The following INTS11 variants were observed in gnomAD, a reference collection of about 807,000 sequenced individuals.
INTS11 encodes the protein integrator complex subunit 11, also known as CPSF3-like protein.
In INTS11, 77 loss-of-function variants were observed where a neutral mutation model predicts 78.6. That is an observed-to-expected ratio of 0.98 (90% confidence interval 0.81 to 1.18). The LOEUF is 1.18. INTS11 is among the 50% of genes most tolerant of loss of function. The probability of loss-of-function intolerance (pLI) is 0.00; values close to 1 mark genes in which losing one functional copy is unlikely to be tolerated. For synonymous variants in INTS11, 441 were observed against 326.9 expected (o/e 1.35, Z -3.77); for missense variants, 875 against 825.9 (o/e 1.06, Z -0.73).
chr1:1,321,112 A>G lies in INTS11; in HGVS notation c.29-19T>C, dbSNP rs1309975059. 28 of 1,591,386 alleles carry G rather than the reference A, an allele frequency of 1.8e-5. No homozygotes were observed. Among genetic ancestry groups the G allele is most frequent in the Non-Finnish European group, 2.4e-5 (28 of 1,163,248 alleles). The stretch of plus-strand genomic sequence containing the variant: ...CCGGCCCCTACTCGAGGGAGGGCAG[A>G]TGAGTCACTGCTGCGCCCCCCGCCC... On this transcript the variant is annotated intron_variant, in intron 1 of 16. Coordinates refer to ENST00000435064, the MANE Select transcript of INTS11 (RefSeq NM_017871.6).
At chr1:1,321,118 C>A in intron 1 of INTS11, 25 bp from the exon 2 acceptor site, 1 of 1,568,462 alleles carries the variant, frequency 6.4e-7, no homozygotes, top group South Asian at 1.1e-5. Context: ...GCAGATGAGT[C>A]ACTGCTGCGC....
chr1:1,319,425 G>A lies in INTS11; in HGVS notation c.300C>T (p.Cys100=), dbSNP rs771373568. The A allele has an allele frequency of 2.4e-5, 39 of 1,613,108 alleles. No homozygotes were observed. The highest frequency in any genetic ancestry group is 3.1e-5 in the Non-Finnish European group (37 of 1,179,948). ...TGCGGTAGTCCTCCAGCAAGATGGG[G>A]CAGATGGCCTGGGTGGGGTGAGTCA... The part of the protein sequence containing the change: ...IYMTHPTQAI[C]PILLEDYRKI... The change falls in exon 4 of 17, where the codon TGC becomes TGT. Residue 100 remains cysteine (C), a synonymous_variant. Coordinates refer to ENST00000435064, the MANE Select transcript of INTS11 (RefSeq NM_017871.6).
intron 1 of INTS11, 83 bp from the exon 2 acceptor site, chr1:1,321,176 A>C (rs1642925717): frequency 1.1e-5 from 12 of 1,096,402 alleles, no homozygotes; most frequent in African/African-American, 1.5e-5. Flanking sequence ...ACCCCAGTGC[A>C]CTGAGGAAAC....
intron 1 of INTS11, chr1:1,321,898 T>TGCCCCCCC: frequency 2.6e-6 from 3 of 1,141,978 alleles, no homozygotes; most frequent in Non-Finnish European, 3.5e-6. Flanking sequence ...TCCCCTTGAA[T>TGCCCCCCC]CCCACCCACC....
intron 6 of INTS11, 27 bp downstream of exon 6, chr1:1,315,377 G>T (rs1021544990): frequency 6.2e-7 from 1 of 1,613,098 alleles, no homozygotes; most frequent in African/African-American, 1.3e-5. Flanking sequence ...GGGCCCACGG[G>T]ACAAAAAGAC....
Position 1,312,479 on chromosome 1 carries a change from C to T in INTS11, c.1425G>A (p.Lys475=). 1 of 1,579,354 alleles carries T rather than the reference C, an allele frequency of 6.3e-7. No individual in the cohort carries two copies. The highest frequency in any genetic ancestry group is 8.6e-7 in the Non-Finnish European group (1 of 1,163,170). ...TCAGGGTGCCGTGCAGGAGCCGAGG[C>T]TTCTTGGCCTCAGGGAGCAGCCCTG... ...MAQGLLPEAK[K]PRLLHGTLIM... is the part of the protein sequence containing the mutation. The change falls in exon 14 of 17, where the codon AAG becomes AAA. Residue 475 remains lysine, a synonymous_variant. Coordinates refer to ENST00000435064, the MANE Select transcript of INTS11 (RefSeq NM_017871.6).
intron 4 of INTS11, chr1:1,318,789 T>A (rs1642767493): frequency 1.8e-6 from 1 of 555,234 alleles, no homozygotes; most frequent in African/African-American, 1.9e-5. Flanking sequence ...ACCCAGAGAT[T>A]CGAGTGAGAC....
chr1:1,311,676 G>A lies in INTS11; in HGVS notation c.*183C>T. Reference sequence around the variant, plus strand: ...CCAGGAATAAAGGCAAGACAGCCTGGAGACCAGTTTGTTTCTTCAGCTGCA... The same window carrying A: ...CCAGGAATAAAGGCAAGACAGCCTGAAGACCAGTTTGTTTCTTCAGCTGCA... On this transcript the variant is annotated 3_prime_UTR_variant, in exon 17 of 17. Transcript: ENST00000435064. The A allele has an allele frequency of 1.4e-6, 1 of 723,658 alleles. No homozygotes were observed. The highest frequency in any genetic ancestry group is 2.1e-5 in the Admixed American group (1 of 47,114). The allele number at this position is 723,658 out of a possible 1,614,324, so 44.8% of individuals were successfully genotyped here.
chr1:1,313,509 C>G lies in INTS11; in HGVS notation c.1041G>C (p.Met347Ile), dbSNP rs1375619144. ...FRKWAGNEKN[M>I]VIMPGYCVQG... ...TTCCCACACCTCACCATGCCCTCAC[C>G]ATGTTCTTTTCGTTTCCGGCCCATT... The change falls in exon 10 of 17, where the codon ATG becomes ATC. Residue 347 changes from methionine (M) to isoleucine (I), a missense_variant and splice_region_variant. Transcript: ENST00000435064. 1 of 1,613,046 alleles carries G rather than the reference C, an allele frequency of 6.2e-7. No homozygotes were observed. Among genetic ancestry groups the G allele is most frequent in the Non-Finnish European group, 8.5e-7 (1 of 1,180,012 alleles).
chr1:1,324,493 A>G, intron 1 of INTS11, 88 bp downstream of exon 1: 2 of 1,389,370 alleles, frequency 1.4e-6, no homozygotes, highest in Non-Finnish European at 2.0e-6. Flanking sequence ...ACCTGGCTCC[A>G]CGAGAAACGG....
chr1:1,313,865 G>C lies in INTS11; in HGVS notation c.824C>G (p.Ala275Gly). The C allele has an allele frequency of 6.2e-7, 1 of 1,613,274 alleles. No individual in the cohort carries two copies. The change falls in exon 9 of 17, where the codon GCC (alanine) becomes GGC (glycine). Residue 275 changes from alanine (A) to glycine (G), a missense_variant. Transcript: ENST00000435064. ...GATGAACAGCTTGTAGTAGTGGTTG[G>C]CCTTCTCGGTCAGCCCCGTGGAGAA... is the stretch of plus-strand genomic sequence containing the variant. ...IYFSTGLTEK[A>G]NHYYKLFIPW...
In INTS11 at chr1:1,313,545, C is replaced by A; in HGVS notation, c.1005G>T (p.Gln335His). ...CGTTTCCGGCCCATTTCCGGAAGAT[C>A]TGCAGGGACTGCCCAGCGTGCAGCA... ...PGMLHAGQSL[Q>H]IFRKWAGNEK... Residue 335 changes from glutamine to histidine, a missense_variant, in exon 10 of 17, where the codon CAG becomes CAT. Transcript: ENST00000435064. 2 of 1,613,042 alleles carry A rather than the reference C, an allele frequency of 1.2e-6. No homozygotes were observed. Among genetic ancestry groups the A allele is most frequent in the Non-Finnish European group, 8.5e-7 (1 of 1,180,028 alleles).
In INTS11 at chr1:1,319,303, G is replaced by A. The variant is rs773736109; in HGVS notation, c.422C>T (p.Thr141Met). 39 of 1,612,728 alleles carry A rather than the reference G, an allele frequency of 2.4e-5. No homozygotes were observed. Among genetic ancestry groups the A allele is most frequent in the East Asian group, 4.5e-5 (2 of 44,896 alleles). Reference protein sequence around the residue: ...KKVVAVHLHQTVQVDDELEIK... With the variant: ...KKVVAVHLHQMVQVDDELEIK... ...TGGCCCTGGGAACCTGACCTGGACC[G>A]TCTGGTGGAGGTGGACAGCCACCAC... is the stretch of plus-strand genomic sequence containing the variant. The change falls in exon 4 of 17, where the codon ACG becomes ATG. Residue 141 changes from threonine to methionine, a missense_variant. Coordinates refer to ENST00000435064, the MANE Select transcript of INTS11 (RefSeq NM_017871.6).
intron 15 of INTS11, 29 bp downstream of exon 15, chr1:1,312,197 G>GTT: frequency 7.5e-7 from 1 of 1,338,136 alleles, no homozygotes; most frequent in Non-Finnish European, 9.9e-7. Context: ...GCCCAAGGGA[G>GTT]TGGGGGGGGG....
chr1:1,323,406 A>G (rs765141309), intron 1 of INTS11: 13 of 1,163,916 alleles, frequency 1.1e-5, no homozygotes, highest in Non-Finnish European at 1.5e-5. Context: ...CTATACTGTT[A>G]CGACTTTGAC....
intron 4 of INTS11, chr1:1,318,686 T>TA (rs1642758874): frequency 2.2e-6 from 1 of 451,740 alleles, no homozygotes. Context: ...ACAAAAAAGA[T>TA]AAACATACTT....
chr1:1,311,839 G>A lies in INTS11; in HGVS notation c.*20C>T, dbSNP rs754882443. ...CCAGCTGGGAGAGGGCAGAGGTGGC[G>A]GCTGGGTGAGTTGCCGGCCTCAGCT... On this transcript the variant is annotated 3_prime_UTR_variant, in exon 17 of 17. Coordinates refer to ENST00000435064, the MANE Select transcript of INTS11 (RefSeq NM_017871.6). The A allele has an allele frequency of 6.6e-5, 102 of 1,537,982 alleles. No individual in the cohort carries two copies. The highest frequency in any genetic ancestry group is 8.0e-5 in the Non-Finnish European group (91 of 1,142,238).
chr1:1,312,992 G>A, intron 11 of INTS11, 43 bp from the exon 12 acceptor site: 1 of 1,611,820 alleles, frequency 6.2e-7, no homozygotes, highest in African/African-American at 1.3e-5. Context: ...CCACCAGGAG[G>A]TGCCCCTCGG....
Position 1,312,213 on chromosome 1 carries a change from G to GGGGGGGCCCCCCCCCCCCCCCCCCCC in INTS11, c.1607+12_1607+13insGGGGGGGGGGGGGGGGGGGGCCCCCC. Reference sequence around the variant, plus strand: ...CCCAAGGGAGTGGGGGGGGGGCGGGGCCGGGCGCCCACCTCTTGAGGTGGC... The same window carrying GGGGGGGCCCCCCCCCCCCCCCCCCCC: ...CCCAAGGGAGTGGGGGGGGGGCGGGGGGGGGGCCCCCCCCCCCCCCCCCCCCCCGGGCGCCCACCTCTTGAGGTGGC... On this transcript the variant is annotated intron_variant, in intron 15 of 16. Coordinates refer to ENST00000435064, the MANE Select transcript of INTS11 (RefSeq NM_017871.6). 4.3e-6 allele frequency: 4 copies of GGGGGGGCCCCCCCCCCCCCCCCCCCC among 934,584 alleles called. No individual in the cohort carries two copies. The highest frequency in any genetic ancestry group is 3.1e-6 in the Non-Finnish European group (2 of 636,634). 57.9% of individuals were successfully genotyped at this position (934,584 alleles called of 1,614,324 possible).
Sources: allele counts gnomAD v4.1 joint callset, GRCh38; gene constraint gnomAD v4.1.1; transcripts MANE v1.5; gene names NCBI Gene and HGNC (gene_info 2026-07-23, HGNC 2026-07-21).